FGF10: variants seen among roughly 807,000 people sequenced by gnomAD.
The protein encoded by FGF10 is fibroblast growth factor 10, also known as FGF-10.
FGF10 carries 2 observed loss-of-function variants against 19.8 expected under a neutral mutation model. The observed-to-expected ratio is 0.10, with a 90% CI of 0.04 to 0.32. FGF10 has a LOEUF of 0.32. FGF10 is among the 10% of genes least tolerant of loss of function. The pLI, the probability that FGF10 is intolerant of heterozygous loss-of-function variation, is 1.00. For missense variants in FGF10, 191 were observed against 246.3 expected, an observed-to-expected ratio of 0.78 and a Z score of 1.50; for synonymous variants, 112 against 94.0, an observed-to-expected ratio of 1.19 and a Z score of -1.10.
At position 44,317,230 on chromosome 5, in the gene FGF10, C is replaced by T. The variant is rs183624998; in HGVS notation, c.326-6700G>A. ...TCTATCTTCCACAGTTCTGTCAATACGCTTGACATGCATTTGGAATTACAG... is the reference window on the plus strand; with the variant it reads ...TCTATCTTCCACAGTTCTGTCAATATGCTTGACATGCATTTGGAATTACAG... On this transcript the variant is annotated intron_variant, in intron 1 of 2. Transcript: ENST00000264664. Among the ~76,000 whole-genome samples, 14 of 152,246 alleles carry T rather than the reference C, an allele frequency of 9.2e-5. No homozygotes were observed. The East Asian group carries it at 1.5e-3, about 17-fold the overall frequency.
intron 1 of FGF10, among the ~76,000 whole-genome samples, chr5:44,367,578 C>T (rs1029102430): frequency 3.3e-5 from 5 of 151,990 alleles, no homozygotes; most frequent in South Asian, 2.1e-4. Flanking sequence ...TGAAGTTACT[C>T]GGCTTCTCAG....
chr5:44,349,073 T>A (rs895053684), intron 1 of FGF10, among the ~76,000 whole-genome samples: 2 of 151,460 alleles, frequency 1.3e-5, no homozygotes, highest in Non-Finnish European at 3.0e-5. Context: ...AAAAAGAGAC[T>A]ATAGATCTGT....
At chr5:44,373,473 G>T (rs2111891812) in intron 1 of FGF10, among the ~76,000 whole-genome samples, 1 of 152,158 alleles carries the variant, frequency 6.6e-6, no homozygotes, top group Admixed American at 6.5e-5. Flanking sequence ...ACAGGAAGAA[G>T]AAACCAGGCT....
At chr5:44,353,355 CT>C (rs1218537939) in intron 1 of FGF10, among the ~76,000 whole-genome samples, 1 of 151,342 alleles carries the variant, frequency 6.6e-6, no homozygotes, top group East Asian at 1.9e-4. Context: ...TCTGCGTTTT[CT>C]TTTTTCTTTA....
intron 1 of FGF10, among the ~76,000 whole-genome samples, chr5:44,342,607 A>G (rs1476662828): frequency 6.6e-6 from 1 of 151,962 alleles, no homozygotes; most frequent in Non-Finnish European, 1.5e-5. Context: ...CACAGGCAGG[A>G]GGAAGACAGA....
chr5:44,368,045 A>G (rs1471463386), intron 1 of FGF10, among the ~76,000 whole-genome samples: 2 of 152,032 alleles, frequency 1.3e-5, no homozygotes, highest in African/African-American at 2.4e-5. Flanking sequence ...GACTTTAATA[A>G]CAACCTATTC....
intron 1 of FGF10, among the ~76,000 whole-genome samples, chr5:44,349,486 A>ATC (rs1741186905): frequency 1.6e-5 from 1 of 62,530 alleles, no homozygotes; most frequent in African/African-American, 6.0e-5. Flanking sequence ...ATATATATAT[A>ATC]TCAGAATATA....
chr5:44,305,251 T>C, intron 2 of FGF10, 59 bp from the exon 3 acceptor site: 22 of 1,520,434 alleles, frequency 1.4e-5, no homozygotes, highest in Non-Finnish European at 1.9e-5. Context: ...TTTCATTTGA[T>C]ACAAGCCATC....
Position 44,315,921 on chromosome 5 carries a change from G to A in FGF10, c.326-5391C>T, listed in dbSNP as rs147663553. 3.8e-3 allele frequency among the ~76,000 whole-genome samples: 578 copies of A among 152,252 alleles called. 2 individuals are homozygous for A. The highest frequency in any genetic ancestry group is 0.017 in the Middle Eastern group (5 of 294). On this transcript the variant is annotated intron_variant, in intron 1 of 2. Transcript: ENST00000264664. Reference sequence around the variant, plus strand: ...AAAATGAAACAAAGTTAAATGAAGTGAAGCCTCAAAACATTATGGGAACTG... The same window carrying A: ...AAAATGAAACAAAGTTAAATGAAGTAAAGCCTCAAAACATTATGGGAACTG...
At chr5:44,310,064 T>C (rs996707359) in intron 2 of FGF10, among the ~76,000 whole-genome samples, 1 of 152,160 alleles carries the variant, frequency 6.6e-6, no homozygotes, top group Non-Finnish European at 1.5e-5. Context: ...GCATATATAA[T>C]ACATGGGTTT....
chr5:44,349,449 T>TATATATATATATCAGA (rs1741176395), intron 1 of FGF10, among the ~76,000 whole-genome samples: 1 of 15,784 alleles, frequency 6.3e-5, no homozygotes, highest in Non-Finnish European at 1.6e-4. Flanking sequence ...TATATATATA[T>TATATATATATATCAGA]ATATATATAT....
rs543396735 is a variant in FGF10 at position 44,301,623 on chromosome 5, C to G, written c.*3372G>C. Among the ~76,000 whole-genome samples the G allele has an allele frequency of 6.6e-6, 1 of 152,218 alleles. No individual in the cohort carries two copies. Among genetic ancestry groups the G allele is most frequent in the African/African-American group, 2.4e-5 (1 of 41,534 alleles). On this transcript the variant is annotated 3_prime_UTR_variant, in exon 3 of 3. Coordinates refer to ENST00000264664, the MANE Select transcript of FGF10 (RefSeq NM_004465.2). ...TTATCCACTGTGTAAATTAGGTGGA[C>G]CTGAATATTTAGAAAAGATTGAAAG... is the stretch of plus-strand genomic sequence containing the variant.
At chr5:44,351,910 G>T (rs911011487) in intron 1 of FGF10, among the ~76,000 whole-genome samples, 1 of 151,466 alleles carries the variant, frequency 6.6e-6, no homozygotes, top group Admixed American at 6.6e-5. Flanking sequence ...TGATTTTTAC[G>T]TTTAAGGTCT....
intron 1 of FGF10, among the ~76,000 whole-genome samples, chr5:44,324,279 T>C (rs1322658292): frequency 6.6e-6 from 1 of 152,094 alleles, no homozygotes; most frequent in African/African-American, 2.4e-5. Flanking sequence ...TTTGTATATA[T>C]TACATTATTA....
At chr5:44,323,851 T>C (rs1446180538) in intron 1 of FGF10, among the ~76,000 whole-genome samples, 3 of 152,260 alleles carry the variant, frequency 2.0e-5, no homozygotes, top group South Asian at 2.1e-4. Flanking sequence ...AGAAAAAACA[T>C]GATCTATCTG....
intron 1 of FGF10, among the ~76,000 whole-genome samples, chr5:44,357,126 A>G (rs1197997646): frequency 5.3e-5 from 8 of 151,490 alleles, no homozygotes; most frequent in Admixed American, 1.3e-4. Flanking sequence ...CATAAAAAAA[A>G]AACAACATTC....
chr5:44,387,444 T>C (rs540428238), intron 1 of FGF10, among the ~76,000 whole-genome samples: 2 of 152,266 alleles, frequency 1.3e-5, no homozygotes, highest in African/African-American at 4.8e-5. Context: ...AATATAGCCA[T>C]GGAAACAGAC....
intron 1 of FGF10, among the ~76,000 whole-genome samples, chr5:44,313,160 C>T (rs915598730): frequency 3.3e-5 from 5 of 151,866 alleles, no homozygotes; most frequent in Admixed American, 6.6e-5. Context: ...AATATCCTTT[C>T]GAATTTTGAA....
chr5:44,340,949 A>T (rs1388963844), intron 1 of FGF10, among the ~76,000 whole-genome samples: 1 of 152,012 alleles, frequency 6.6e-6, no homozygotes, highest in Admixed American at 6.6e-5. Context: ...TAAACCTTAG[A>T]AATTAACATG....
Sources: allele counts gnomAD v4.1 joint callset (sites outside exome capture counted in the v4.1 genomes callset), GRCh38; gene constraint gnomAD v4.1.1; transcripts MANE v1.5; gene names NCBI Gene and HGNC (gene_info 2026-07-23, HGNC 2026-07-21).